Variants in FBXO11 observed in about 807,000 individuals in gnomAD.
FBXO11 encodes the protein F-box only protein 11.
A neutral mutation model predicts 117.0 loss-of-function variants in FBXO11; 13 were observed. The ratio of observed to expected loss-of-function variants is 0.11; its 90% CI spans 0.07 to 0.18. FBXO11 has a LOEUF of 0.18. Ranked by LOEUF, FBXO11 falls within the 10% of genes least tolerant of loss-of-function variation. FBXO11 has a pLI of 1.00. For missense variants in FBXO11, 767 were observed against 1,164.4 expected (o/e 0.66, Z 4.97); for synonymous variants, 490 against 380.5 (o/e 1.29, Z -3.35).
chr2:47,823,112 G>A (rs757781086), intron 12 of FBXO11, 31 bp downstream of exon 12: 5 of 1,502,050 alleles, frequency 3.3e-6, no homozygotes, highest in Non-Finnish European at 3.6e-6. Context: ...AAGTGAAAAA[G>A]TAATTTTCAC....
intron 16 of FBXO11, among the ~76,000 whole-genome samples, chr2:47,814,484 T>C (rs1670870881): frequency 6.8e-6 from 1 of 147,856 alleles, no homozygotes; most frequent in Non-Finnish European, 1.5e-5. Context: ...GCTCAAGCAA[T>C]CCTCCTGCCT....
intron 1 of FBXO11, among the ~76,000 whole-genome samples, chr2:47,843,431 CT>C (rs201381675): frequency 0.082 from 11,398 of 138,638 alleles, 508 homozygotes; most frequent in African/African-American, 0.15. Context: ...TGTAGTTAAT[CT>C]TTTTTTTTTT....
chr2:47,850,050 G>A (rs1274271124), intron 1 of FBXO11, among the ~76,000 whole-genome samples: 1 of 152,192 alleles, frequency 6.6e-6, no homozygotes, highest in Non-Finnish European at 1.5e-5. Flanking sequence ...GAGTAAGGGA[G>A]CTACAGCACA....
intron 18 of FBXO11, among the ~76,000 whole-genome samples, chr2:47,812,612 G>T (rs1158413662): frequency 6.6e-6 from 1 of 152,158 alleles, no homozygotes; most frequent in Non-Finnish European, 1.5e-5. Flanking sequence ...TGGCATGTTA[G>T]AGTAATAACT....
At chr2:47,888,114 C>A (rs945225250) in intron 1 of FBXO11, among the ~76,000 whole-genome samples, 1 of 152,152 alleles carries the variant, frequency 6.6e-6, no homozygotes. Context: ...ATGATCTACA[C>A]CGCTCACTTC....
Position 47,905,584 on chromosome 2 carries a change from G to A in FBXO11, c.137C>T (p.Pro46Leu), listed in dbSNP as rs1452420405. The change falls in exon 1 of 23, where the codon CCG becomes CTG. Residue 46 changes from proline (P) to leucine (L), a missense_variant. By Grantham distance (98) the Pro-to-Leu change is moderately conservative. This residue lies in a region of FBXO11 where 355 missense variants were observed against 299.8 expected (regional missense o/e 1.18). Transcript: ENST00000403359. ...CTGCTGCTGCTGCTGCGGCGGCGGC[G>A]GAGGCTGCTGCTGGGGCGGCTGCTG... ...PQQQPPQQQPPPPPQQQQQQQ... is the reference protein window; with the variant it reads ...PQQQPPQQQPLPPPQQQQQQQ... 7.9e-6 allele frequency: 10 copies of A among 1,261,180 alleles called. No individual in the cohort carries two copies. Among genetic ancestry groups the A allele is most frequent in the Admixed American group, 4.1e-5 (1 of 24,176 alleles). The allele number at this position is 1,261,180 out of a possible 1,614,324, so 78.1% of individuals were successfully genotyped here. A position where few individuals can be genotyped will look rare whatever the true frequency, so the allele number is the denominator to read the frequency against.
chr2:47,902,211 G>T (rs1218734690), intron 1 of FBXO11, among the ~76,000 whole-genome samples: 1 of 152,232 alleles, frequency 6.6e-6, no homozygotes, highest in African/African-American at 2.4e-5. Context: ...TGGGATTACA[G>T]GCGTGAGCCA....
At chr2:47,856,088 G>A (rs1465729000) in intron 1 of FBXO11, among the ~76,000 whole-genome samples, 1 of 152,136 alleles carries the variant, frequency 6.6e-6, no homozygotes, top group Non-Finnish European at 1.5e-5. Flanking sequence ...CCAAGCCTAG[G>A]CAACCAAGTG....
chr2:47,816,981 G>A (rs1193139780), intron 16 of FBXO11, among the ~76,000 whole-genome samples: 1 of 152,186 alleles, frequency 6.6e-6, no homozygotes, highest in Admixed American at 6.5e-5. Flanking sequence ...CAAGAGATCA[G>A]CTTGCCCTTT....
At chr2:47,890,384 TAAGCACTTA>T (rs1335255747) in intron 1 of FBXO11, among the ~76,000 whole-genome samples, 2 of 152,172 alleles carry the variant, frequency 1.3e-5, no homozygotes, top group Non-Finnish European at 2.9e-5. Flanking sequence ...TATAAATTAA[TAAGCACTTA>T]AAGCACACTT....
At chr2:47,892,559 G>A (rs2103989610) in intron 1 of FBXO11, among the ~76,000 whole-genome samples, 1 of 152,316 alleles carries the variant, frequency 6.6e-6, no homozygotes, top group East Asian at 1.9e-4. Context: ...CCTCTGACAT[G>A]CTGCAATGCA....
At chr2:47,902,504 G>C (rs891702702) in intron 1 of FBXO11, among the ~76,000 whole-genome samples, 1 of 152,014 alleles carries the variant, frequency 6.6e-6, no homozygotes, top group African/African-American at 2.4e-5. Flanking sequence ...TTACAGATAA[G>C]ACAAAGCGTA....
intron 1 of FBXO11, among the ~76,000 whole-genome samples, chr2:47,849,126 T>C (rs1477028862): frequency 2.6e-5 from 4 of 152,116 alleles, no homozygotes; most frequent in South Asian, 4.2e-4. Flanking sequence ...CTAACACAGT[T>C]GGAAACTACC....
chr2:47,905,764 G>A lies in FBXO11; in HGVS notation c.-44C>T, dbSNP rs1436192136. The A allele has an allele frequency of 8.7e-6, 11 of 1,269,822 alleles. No individual in the cohort carries two copies. In the South Asian group the frequency reaches 1.0e-4, roughly 12 times the overall value. The allele number at this position is 1,269,822 out of a possible 1,614,324, so 78.7% of individuals were successfully genotyped here. On this transcript the variant is annotated 5_prime_UTR_variant, in exon 1 of 23. Transcript: ENST00000403359. The stretch of plus-strand genomic sequence containing the variant: ...GGCGTTGGCGGAGGGACACACACAC[G>A]CACACGCACAGCGAGCTTCGGGGCA...
At chr2:47,830,062 C>T (rs531474906) in intron 11 of FBXO11, among the ~76,000 whole-genome samples, 1 of 152,148 alleles carries the variant, frequency 6.6e-6, no homozygotes, top group East Asian at 1.9e-4. Flanking sequence ...CTAAACAGAA[C>T]AGAACATAGC....
chr2:47,861,176 G>A (rs902223469), intron 1 of FBXO11, among the ~76,000 whole-genome samples: 2 of 152,002 alleles, frequency 1.3e-5, no homozygotes, highest in African/African-American at 4.8e-5. Flanking sequence ...TCTTAAACTG[G>A]GAAGTGTAGC....
chr2:47,842,661 T>C (rs1051863305), intron 1 of FBXO11, among the ~76,000 whole-genome samples: 3 of 152,028 alleles, frequency 2.0e-5, no homozygotes, highest in Non-Finnish European at 2.9e-5. Context: ...AAACACACAG[T>C]ATGCCTGGGC....
At chr2:47,883,082 T>C (rs1482405278) in intron 1 of FBXO11, among the ~76,000 whole-genome samples, 1 of 152,242 alleles carries the variant, frequency 6.6e-6, no homozygotes, top group Non-Finnish European at 1.5e-5. Flanking sequence ...TTTACAAGCT[T>C]TACTCAAGTC....
intron 1 of FBXO11, among the ~76,000 whole-genome samples, chr2:47,884,097 T>C (rs1676636912): frequency 1.3e-5 from 2 of 152,196 alleles, no homozygotes; most frequent in East Asian, 1.9e-4. Context: ...TGCATACCTA[T>C]AATCCCAGCT....
Sources: allele counts gnomAD v4.1 joint callset (sites outside exome capture counted in the v4.1 genomes callset), GRCh38; gene constraint gnomAD v4.1.1; regional missense constraint gnomAD v4.1.1; transcripts MANE v1.5; gene names NCBI Gene and HGNC (gene_info 2026-07-23, HGNC 2026-07-21).